The following GRIN3A variants were observed in gnomAD, a reference collection of about 807,000 sequenced individuals.
GRIN3A encodes glutamate ionotropic receptor NMDA type subunit 3A.
Under a neutral mutation model 92.4 loss-of-function variants are expected in GRIN3A, and 47 were observed. That is an observed-to-expected ratio of 0.51 (90% CI 0.40 to 0.65). The LOEUF is 0.65. Ranked by LOEUF, GRIN3A falls within the 30% of genes least tolerant of loss-of-function variation. The pLI is 0.00. For missense variants in GRIN3A, 1,324 were observed against 1,393.1 expected (o/e 0.95, Z 0.79); for synonymous variants, 527 against 540.6 (o/e 0.97, Z 0.35).
chr9:101,726,817 T>C (rs1278499125), intron 1 of GRIN3A, among the ~76,000 whole-genome samples: 1 of 152,088 alleles, frequency 6.6e-6, no homozygotes, highest in Non-Finnish European at 1.5e-5. Flanking sequence ...GTACATAAGA[T>C]GTTTTAAACA....
At chr9:101,625,070 C>T (rs1322808384) in intron 4 of GRIN3A, among the ~76,000 whole-genome samples, 1 of 152,060 alleles carries the variant, frequency 6.6e-6, no homozygotes, top group Non-Finnish European at 1.5e-5. Context: ...TATTATCTCC[C>T]CAGTTAAAGT....
At position 101,671,054 on chromosome 9, in the gene GRIN3A, C is replaced by G. The variant is rs373415839; in HGVS notation, c.1358G>C (p.Gly453Ala). 1.2e-5 allele frequency: 19 copies of G among 1,613,750 alleles called. No individual in the cohort carries two copies. The highest frequency in any genetic ancestry group is 2.7e-5 in the African/African-American group (2 of 74,870). ...GTTTTCTGAGCTGACGATGGTGGAA[C>G]CTTTTACTCTGATGGAACCACTGAG... ...RGLSGSIRVK[G>A]STIVSSENNF... The change falls in exon 3 of 9, where the codon GGT becomes GCT. Residue 453 changes from glycine (G) to alanine (A), a missense_variant. Gly to Ala is a moderately conservative substitution (Grantham distance 60, BLOSUM62 0). Coordinates refer to ENST00000361820, the MANE Select transcript of GRIN3A (RefSeq NM_133445.3).
Position 101,653,177 on chromosome 9 carries a change from T to C in GRIN3A, c.2352+16883A>G, listed in dbSNP as rs949321141. Among the ~76,000 whole-genome samples the C allele has an allele frequency of 2.6e-5, 4 of 152,092 alleles. No individual in the cohort carries two copies. The East Asian group carries it at 5.8e-4, about 22-fold the overall frequency. ...TCACATGCCACTTGTGTCAGGAATT[T>C]CATCTGAGCAAGATTTAAAAGAATT... is the stretch of plus-strand genomic sequence containing the variant. On this transcript the variant is annotated intron_variant, in intron 3 of 8. Transcript: ENST00000361820.
intron 4 of GRIN3A, among the ~76,000 whole-genome samples, chr9:101,627,794 C>G (rs1028175945): frequency 6.6e-6 from 1 of 152,152 alleles, no homozygotes; most frequent in African/African-American, 2.4e-5. Flanking sequence ...TATTTCCTTT[C>G]TACAGGAAAT....
At chr9:101,649,794 T>G (rs1828987915) in intron 3 of GRIN3A, among the ~76,000 whole-genome samples, 1 of 152,038 alleles carries the variant, frequency 6.6e-6, no homozygotes, top group Non-Finnish European at 1.5e-5. Flanking sequence ...ATGTCACTGA[T>G]GCACACCAGG....
intron 3 of GRIN3A, among the ~76,000 whole-genome samples, chr9:101,635,702 G>A (rs1042503638): frequency 6.6e-6 from 1 of 152,158 alleles, no homozygotes; most frequent in Non-Finnish European, 1.5e-5. Flanking sequence ...CTTGACTACT[G>A]CAGCTCTTTG....
intron 3 of GRIN3A, among the ~76,000 whole-genome samples, chr9:101,663,886 A>C (rs1285592518): frequency 6.7e-6 from 1 of 149,484 alleles, no homozygotes; most frequent in African/African-American, 2.5e-5. Context: ...TTTATTAGAT[A>C]CTTCTCAGGG....
intron 5 of GRIN3A, among the ~76,000 whole-genome samples, chr9:101,614,731 C>G (rs186318052): frequency 6.8e-6 from 1 of 146,374 alleles, no homozygotes; most frequent in Admixed American, 7.0e-5. Context: ...GTGATCCTCC[C>G]GGCTCAGCCC....
intron 4 of GRIN3A, 152 bp downstream of exon 4, chr9:101,628,104 T>A: frequency 1.4e-6 from 1 of 691,360 alleles, no homozygotes; most frequent in Non-Finnish European, 2.5e-6. Flanking sequence ...TTTCACACCA[T>A]CTCCTGGGAT....
rs758896417 is a variant in GRIN3A at position 101,687,189 on chromosome 9, G to A, written c.711C>T (p.His237=). The A allele has an allele frequency of 6.2e-7, 1 of 1,613,868 alleles. No individual in the cohort carries two copies. Among genetic ancestry groups the A allele is most frequent in the Non-Finnish European group, 8.5e-7 (1 of 1,179,800 alleles). ...ATGAATTTTCTAAACTCAGTTGTAG[G>A]TGAAGGGGATTCTGTATTTAAAGAT... ...EFPRESQNPL[H]LQLSLENSLS... Residue 237 remains histidine, a synonymous_variant, in exon 2 of 9, where the codon CAC becomes CAT. Coordinates refer to ENST00000361820, the MANE Select transcript of GRIN3A (RefSeq NM_133445.3).
chr9:101,675,029 A>G (rs968716059), intron 2 of GRIN3A, among the ~76,000 whole-genome samples: 1 of 152,028 alleles, frequency 6.6e-6, no homozygotes, highest in African/African-American at 2.4e-5. Context: ...GGAGGCAAGT[A>G]AAATGCACAT....
In GRIN3A at chr9:101,737,789, G is replaced by C; in HGVS notation, c.191C>G (p.Ala64Gly). 1.3e-6 allele frequency: 2 copies of C among 1,527,996 alleles called. No individual in the cohort carries two copies. The highest frequency in any genetic ancestry group is 1.7e-6 in the Non-Finnish European group (2 of 1,143,760). The allele number at this position is 1,527,996 out of a possible 1,614,324, so 94.7% of individuals were successfully genotyped here. ...GCTGTCGTCCGGAGCGCGGCTGGCC[G>C]CGCGGGGGGCGGTGGTCCAGGGCTG... ...HLQPWTTAPR[A>G]ASRAPDDSRA... The change falls in exon 1 of 9, where the codon GCG becomes GGG. Residue 64 changes from alanine (A) to glycine (G), a missense_variant. Ala to Gly is a moderately conservative substitution (Grantham distance 60, BLOSUM62 0). Coordinates refer to ENST00000361820, the MANE Select transcript of GRIN3A (RefSeq NM_133445.3).
intron 1 of GRIN3A, among the ~76,000 whole-genome samples, chr9:101,708,568 G>C (rs930762478): frequency 5.9e-5 from 9 of 152,170 alleles, no homozygotes; most frequent in African/African-American, 1.2e-4. Context: ...ATACGTATAT[G>C]ATCCCTACCA....
chr9:101,613,590 T>C, intron 5 of GRIN3A, 63 bp from the exon 6 acceptor site: 1 of 1,528,462 alleles, frequency 6.5e-7, no homozygotes, highest in Non-Finnish European at 9.0e-7. Flanking sequence ...GCCACCACAG[T>C]ACATATTTGT....
At chr9:101,704,703 T>C (rs1306681538) in intron 1 of GRIN3A, among the ~76,000 whole-genome samples, 1 of 152,182 alleles carries the variant, frequency 6.6e-6, no homozygotes, top group East Asian at 1.9e-4. Context: ...TTTTGCCTAA[T>C]TATAGGCTGA....
At chr9:101,611,453 A>G (rs1828367122) in intron 6 of GRIN3A, among the ~76,000 whole-genome samples, 1 of 152,100 alleles carries the variant, frequency 6.6e-6, no homozygotes, top group African/African-American at 2.4e-5. Context: ...CAAAGACCCT[A>G]TTTCCAAATA....
At position 101,585,730 on chromosome 9, in the gene GRIN3A, C is replaced by A. The variant is rs375672848; in HGVS notation, c.2767-6370G>T. ...CAACCACCCTGATCCAAGCCACCATCCCCTCTCACCTCACCTAGATTATTG... is the reference window on the plus strand; with the variant it reads ...CAACCACCCTGATCCAAGCCACCATACCCTCTCACCTCACCTAGATTATTG... On this transcript the variant is annotated intron_variant, in intron 6 of 8. Transcript: ENST00000361820. Among the ~76,000 whole-genome samples, 25 of 152,310 alleles carry A rather than the reference C, an allele frequency of 1.6e-4. No homozygotes were observed. In the East Asian group the frequency reaches 4.1e-3, roughly 25 times the overall value.
At chr9:101,641,787 AAAATT>A (rs1340322368) in intron 3 of GRIN3A, among the ~76,000 whole-genome samples, 2 of 149,096 alleles carry the variant, frequency 1.3e-5, no homozygotes, top group African/African-American at 5.1e-5. Context: ...TAATAACAAT[AAAATT>A]AAAAAAAAAA....
intron 6 of GRIN3A, among the ~76,000 whole-genome samples, chr9:101,587,328 T>A (rs866948480): frequency 1.2e-4 from 18 of 146,932 alleles, no homozygotes; most frequent in African/African-American, 4.2e-4. Flanking sequence ...AAAAAAAAAA[T>A]CTGTTGCTTG....
Sources: gnomAD v4.1 joint callset for allele counts (sites outside exome capture counted in the v4.1 genomes callset) on GRCh38, gnomAD v4.1.1 for gene constraint, MANE v1.5 for transcripts, NCBI Gene and HGNC (gene_info 2026-07-23, HGNC 2026-07-21) for gene names.